The following UTRN variants were observed in gnomAD, a reference collection of about 807,000 sequenced individuals.
UTRN encodes dystrophin-related protein 1.
Under a neutral mutation model 463.9 loss-of-function variants are expected in UTRN, and 283 were observed. The ratio of observed to expected loss-of-function variants is 0.61; its 90% CI spans 0.55 to 0.67. UTRN has a LOEUF of 0.67. UTRN is among the 30% of genes least tolerant of loss of function. The pLI is 0.00. For synonymous variants in UTRN, 1,442 were observed against 1,431.5 expected (o/e 1.01, Z -0.17); for missense variants, 3,922 against 4,084.3 (o/e 0.96, Z 1.08).
At chr6:144,530,688 A>G (rs1364650610) in intron 41 of UTRN, among the ~76,000 whole-genome samples, 1 of 152,170 alleles carries the variant, frequency 6.6e-6, no homozygotes, top group Non-Finnish European at 1.5e-5. Flanking sequence ...TTTTCAAGCC[A>G]GAAAAGGCTG....
Position 144,797,866 on chromosome 6 carries a change from T to G in UTRN, c.9121T>G (p.Trp3041Gly). The G allele has an allele frequency of 6.2e-7, 1 of 1,614,186 alleles. No individual in the cohort carries two copies. Among genetic ancestry groups the G allele is most frequent in the Non-Finnish European group, 8.5e-7 (1 of 1,180,012 alleles). Residue 3041 changes from tryptophan to glycine, a missense_variant, in exon 64 of 75, where the codon TGG becomes GGG. This residue lies in a region of UTRN where 1,309 missense variants were observed against 1,452.6 expected (regional missense o/e 0.90). Transcript: ENST00000367545. ...PEISVKEFID[W>G]MHLEPQSMVW... ...AATAAGTGTGAAAGAGTTTATAGAT[T>G]GGATGCATTTGGAACCACAGTCCAT...
At chr6:144,719,509 G>A (rs1314105333) in intron 53 of UTRN, among the ~76,000 whole-genome samples, 3 of 152,132 alleles carry the variant, frequency 2.0e-5, no homozygotes, top group Non-Finnish European at 2.9e-5. Flanking sequence ...CCCAGGAGGC[G>A]GAGGTTGTGG....
intron 35 of UTRN, 129 bp downstream of exon 35, chr6:144,511,252 T>A: frequency 1.1e-6 from 1 of 883,912 alleles, no homozygotes; most frequent in Non-Finnish European, 1.5e-6. Context: ...GCTTGTGAAT[T>A]AATTTCATTA....
chr6:144,539,577 A>G, intron 45 of UTRN, 134 bp downstream of exon 45: 1 of 886,006 alleles, frequency 1.1e-6, no homozygotes, highest in Non-Finnish European at 1.6e-6. Context: ...TAATGTTTAT[A>G]TTTTTTATCT....
chr6:144,496,649 T>C (rs1352525461), intron 33 of UTRN, among the ~76,000 whole-genome samples: 3 of 152,204 alleles, frequency 2.0e-5, no homozygotes, highest in Non-Finnish European at 4.4e-5. Context: ...AAGATATAAA[T>C]TATCTCGTTG....
chr6:144,705,112 T>A (rs939309561), intron 53 of UTRN, among the ~76,000 whole-genome samples: 2 of 152,164 alleles, frequency 1.3e-5, no homozygotes, highest in African/African-American at 4.8e-5. Flanking sequence ...TAATCTACTG[T>A]GAATTGTGTG....
intron 2 of UTRN, among the ~76,000 whole-genome samples, chr6:144,391,350 T>C (rs2114766072): frequency 6.6e-6 from 1 of 152,340 alleles, no homozygotes; most frequent in Non-Finnish European, 1.5e-5. Context: ...AGATTACAGA[T>C]GTGAGCCACT....
chr6:144,501,222 A>C (rs192261514), intron 34 of UTRN, among the ~76,000 whole-genome samples: 9 of 152,368 alleles, frequency 5.9e-5, no homozygotes, highest in Admixed American at 5.9e-4. Context: ...GAGCATTGCA[A>C]GTCATCGGTG....
chr6:144,736,767 T>C (rs1789450327), intron 54 of UTRN, among the ~76,000 whole-genome samples: 1 of 152,168 alleles, frequency 6.6e-6, no homozygotes, highest in South Asian at 2.1e-4. Context: ...AGCTTTTCCA[T>C]CCGGCCCCAC....
chr6:144,664,386 G>T (rs897857861), intron 51 of UTRN, among the ~76,000 whole-genome samples: 2 of 151,740 alleles, frequency 1.3e-5, no homozygotes, highest in African/African-American at 4.8e-5. Context: ...TTGATTACAC[G>T]ATCTGATTTG....
intron 2 of UTRN, among the ~76,000 whole-genome samples, chr6:144,303,553 C>T (rs1471891656): frequency 6.6e-6 from 1 of 152,182 alleles, no homozygotes; most frequent in Non-Finnish European, 1.5e-5. Context: ...CTGTTTTTCT[C>T]ACAGTACCTC....
intron 9 of UTRN, among the ~76,000 whole-genome samples, chr6:144,434,159 A>G (rs537428903): frequency 0.013 from 2,053 of 152,318 alleles, 43 homozygotes; most frequent in African/African-American, 0.047. Flanking sequence ...CGGCCAACAC[A>G]GCGAAACCCC....
At chr6:144,470,886 C>T (rs1413385367) in intron 23 of UTRN, among the ~76,000 whole-genome samples, 4 of 151,652 alleles carry the variant, frequency 2.6e-5, no homozygotes, top group African/African-American at 7.3e-5. Context: ...ACCAGTCAGG[C>T]GTGGCGGCGC....
In UTRN at chr6:144,482,237, A is replaced by T; in HGVS notation, c.3536A>T (p.Glu1179Val). ...GCAAAAGAGGATGTGTTGCAGAAGG[A>T]GGTGAGAGTGAAGATTCTCAAGGAC... is the stretch of plus-strand genomic sequence containing the variant. ...KRAKEDVLQK[E>V]VRVKILKDNI... Residue 1179 changes from glutamate (E) to valine (V), a missense_variant, in exon 27 of 75, where the codon GAG becomes GTG. Coordinates refer to ENST00000367545, the MANE Select transcript of UTRN (RefSeq NM_007124.3). 1 of 1,522,710 alleles carries T rather than the reference A, an allele frequency of 6.6e-7. No homozygotes were observed. Among genetic ancestry groups the T allele is most frequent in the Non-Finnish European group, 8.8e-7 (1 of 1,132,042 alleles). The allele number at this position is 1,522,710 out of a possible 1,614,324, so 94.3% of individuals were successfully genotyped here.
At chr6:144,523,238 C>T in intron 41 of UTRN, 50 bp downstream of exon 41, 1 of 1,392,006 alleles carries the variant, frequency 7.2e-7, no homozygotes, top group Non-Finnish European at 9.6e-7. Context: ...CCTGCAAGTT[C>T]ATGGGCGTGA....
intron 11 of UTRN, among the ~76,000 whole-genome samples, chr6:144,438,139 G>C (rs1169981900): frequency 2.0e-5 from 3 of 152,156 alleles, no homozygotes; most frequent in Non-Finnish European, 4.4e-5. Context: ...GGTGGGCCAT[G>C]CCTGTAATCC....
intron 47 of UTRN, among the ~76,000 whole-genome samples, chr6:144,550,433 C>A (rs985723338): frequency 3.9e-5 from 6 of 152,096 alleles, no homozygotes; most frequent in Non-Finnish European, 8.8e-5. Flanking sequence ...ACCATTTCTC[C>A]CATATTTATT....
chr6:144,561,254 T>TAC (rs1338147363), intron 50 of UTRN, among the ~76,000 whole-genome samples: 1 of 54,764 alleles, frequency 1.8e-5, no homozygotes, highest in Non-Finnish European at 4.6e-5. Flanking sequence ...TATATATATA[T>TAC]ATATATACAT....
intron 51 of UTRN, among the ~76,000 whole-genome samples, chr6:144,589,792 C>A (rs1239051008): frequency 6.6e-6 from 1 of 151,976 alleles, no homozygotes; most frequent in Non-Finnish European, 1.5e-5. Flanking sequence ...TCTGATTCAA[C>A]CATTTCATTT....
Sources: gnomAD v4.1 joint callset for allele counts (sites outside exome capture counted in the v4.1 genomes callset) on GRCh38, gnomAD v4.1.1 for gene constraint, gnomAD v4.1.1 regional missense constraint, MANE v1.5 for transcripts, NCBI Gene and HGNC (gene_info 2026-07-23, HGNC 2026-07-21) for gene names.